Variants in GRHL2 observed in about 807,000 individuals in gnomAD.
GRHL2 encodes grainyhead like transcription factor 2, also known as grainyhead-like protein 2 homolog.
Under a neutral mutation model 83.8 loss-of-function variants are expected in GRHL2, and 21 were observed. The ratio of observed to expected loss-of-function variants is 0.25; its 90% CI spans 0.18 to 0.36. GRHL2 has a LOEUF of 0.36. Among genes scored for constraint, GRHL2 ranks in the 10% least tolerant of loss-of-function variants. The probability of loss-of-function intolerance (pLI) is 1.00; values close to 1 mark genes in which losing one functional copy is unlikely to be tolerated. For missense variants in GRHL2, 623 were observed against 781.8 expected, an observed-to-expected ratio of 0.80 and a Z score of 2.42; for synonymous variants, 280 against 278.9, an observed-to-expected ratio of 1.00 and a Z score of -0.04.
At chr8:101,656,011 C>A (rs1813777292) in intron 14 of GRHL2, among the ~76,000 whole-genome samples, 1 of 152,216 alleles carries the variant, frequency 6.6e-6, no homozygotes, top group African/African-American at 2.4e-5. Context: ...ATGGACAAGG[C>A]TCACTTCTTC....
At chr8:101,658,826 A>AG (rs991607558) in intron 14 of GRHL2, among the ~76,000 whole-genome samples, 2 of 152,196 alleles carry the variant, frequency 1.3e-5, no homozygotes, top group African/African-American at 4.8e-5. Context: ...TTCAAAAAAA[A>AG]CCAACTCTTG....
At chr8:101,529,554 C>A in intron 1 of GRHL2, 1 of 239,774 alleles carries the variant, frequency 4.2e-6, no homozygotes, top group Admixed American at 4.2e-5. Context: ...GGTGCACCAC[C>A]GTCTTGGTCG....
At chr8:101,594,069 CAAAAAAAAAAAAAAAAAA>C (rs534396520) in intron 7 of GRHL2, among the ~76,000 whole-genome samples, 1 of 49,082 alleles carries the variant, frequency 2.0e-5, no homozygotes, top group African/African-American at 8.7e-5. Context: ...GAGTCTGTAT[CAAAAAAAAAAAAAAAAAA>C]AAAAAAAAAA....
At chr8:101,664,006 A>G (rs1813986346) in intron 14 of GRHL2, among the ~76,000 whole-genome samples, 1 of 151,460 alleles carries the variant, frequency 6.6e-6, no homozygotes, top group Non-Finnish European at 1.5e-5. Context: ...GATCTTCCTT[A>G]CTTTAAGATG....
intron 8 of GRHL2, 110 bp from the exon 9 acceptor site, chr8:101,619,429 G>A: frequency 1.2e-6 from 1 of 861,738 alleles, no homozygotes; most frequent in Non-Finnish European, 1.9e-6. Flanking sequence ...ATATTCTTCA[G>A]TTGTCTTTAT....
intron 1 of GRHL2, among the ~76,000 whole-genome samples, chr8:101,538,021 C>A (rs1304647960): frequency 6.6e-6 from 1 of 152,176 alleles, no homozygotes; most frequent in East Asian, 1.9e-4. Flanking sequence ...ACATAAGAAG[C>A]CCTGACCCGG....
chr8:101,602,878 G>T (rs552081257), intron 8 of GRHL2, among the ~76,000 whole-genome samples: 32 of 152,304 alleles, frequency 2.1e-4, no homozygotes, highest in Admixed American at 1.7e-3. Context: ...CAGTCTTTCT[G>T]CCCCGGAGCT....
chr8:101,584,995 C>T lies in GRHL2; in HGVS notation c.1003+7476C>T, dbSNP rs541391402. Among the ~76,000 whole-genome samples, 16 of 151,558 alleles carry T rather than the reference C, an allele frequency of 1.1e-4. No homozygotes were observed. In the East Asian group the frequency reaches 2.7e-3, roughly 26 times the overall value. ...GCCAAGTGGTCAGGTAGTCAGGTAG[C>T]CAGGTGATCAGGTAGCCAGGTGGTC... is the stretch of plus-strand genomic sequence containing the variant. On this transcript the variant is annotated intron_variant, in intron 7 of 15. Coordinates refer to ENST00000646743, the MANE Select transcript of GRHL2 (RefSeq NM_024915.4).
intron 14 of GRHL2, among the ~76,000 whole-genome samples, chr8:101,653,722 A>C (rs967633412): frequency 1.3e-5 from 2 of 148,988 alleles, no homozygotes; most frequent in African/African-American, 5.1e-5. Flanking sequence ...AGACTGGGAG[A>C]GAGTGACTCT....
At chr8:101,596,601 A>C (rs141065062) in intron 7 of GRHL2, among the ~76,000 whole-genome samples, 2,802 of 152,340 alleles carry the variant, frequency 0.018, 80 homozygotes, top group African/African-American at 0.063. Flanking sequence ...GTAATTTTAC[A>C]CCAGTTTATT....
chr8:101,597,978 G>C lies in GRHL2; in HGVS notation c.1004-1079G>C, dbSNP rs549650042. 3.3e-5 allele frequency among the ~76,000 whole-genome samples: 5 copies of C among 152,244 alleles called. No homozygotes were observed. The South Asian group carries it at 1.0e-3, about 32-fold the overall frequency. On this transcript the variant is annotated intron_variant, in intron 7 of 15. Coordinates refer to ENST00000646743, the MANE Select transcript of GRHL2 (RefSeq NM_024915.4). ...AATAATGAATACATTTTGAAGATAAGTATATCCCAAATATTTGCCCAATCT... is the reference window on the plus strand; with the variant it reads ...AATAATGAATACATTTTGAAGATAACTATATCCCAAATATTTGCCCAATCT...
At chr8:101,662,402 G>C (rs1813940303) in intron 14 of GRHL2, among the ~76,000 whole-genome samples, 1 of 152,196 alleles carries the variant, frequency 6.6e-6, no homozygotes, top group South Asian at 2.1e-4. Context: ...TTAGGGGATG[G>C]GGAGTTCTTC....
At chr8:101,520,772 C>T (rs146923559) in intron 1 of GRHL2, among the ~76,000 whole-genome samples, 2 of 152,308 alleles carry the variant, frequency 1.3e-5, no homozygotes, top group East Asian at 3.9e-4. Context: ...TGCCCTCTTC[C>T]TTCTTGAAAC....
chr8:101,640,288 A>G (rs1017751337), intron 12 of GRHL2, among the ~76,000 whole-genome samples: 21 of 152,250 alleles, frequency 1.4e-4, no homozygotes, highest in African/African-American at 4.8e-4. Context: ...AATGTATAGA[A>G]TGTCCTGACA....
chr8:101,592,025 G>T (rs946204226), intron 7 of GRHL2, among the ~76,000 whole-genome samples: 2 of 151,744 alleles, frequency 1.3e-5, no homozygotes, highest in African/African-American at 4.8e-5. Flanking sequence ...AAACGAAGGG[G>T]AACTGTCACA....
intron 9 of GRHL2, 89 bp downstream of exon 9, chr8:101,619,786 C>T (rs1469649211): frequency 2.0e-6 from 2 of 976,840 alleles, no homozygotes; most frequent in Middle Eastern, 2.7e-4. Flanking sequence ...CTTTGCTTGT[C>T]TAGTGGTGTC....
intron 12 of GRHL2, among the ~76,000 whole-genome samples, chr8:101,639,612 A>G (rs544638027): frequency 1.3e-5 from 2 of 152,340 alleles, no homozygotes; most frequent in African/African-American, 2.4e-5. Context: ...ACCTGTGGCT[A>G]TAAAGTATGT....
chr8:101,575,421 T>G (rs533800110), intron 6 of GRHL2, among the ~76,000 whole-genome samples: 2 of 152,232 alleles, frequency 1.3e-5, no homozygotes, highest in African/African-American at 2.4e-5. Flanking sequence ...TGTTCCATTT[T>G]GGCTAAAGTG....
intron 3 of GRHL2, among the ~76,000 whole-genome samples, chr8:101,557,224 C>CTTTT (rs34785282): frequency 3.3e-5 from 4 of 122,448 alleles, no homozygotes; most frequent in South Asian, 2.7e-4. Flanking sequence ...ATTAACAATA[C>CTTTT]TTTTTTTTTT....
Sources: gnomAD v4.1 joint callset for allele counts (sites outside exome capture counted in the v4.1 genomes callset) on GRCh38, gnomAD v4.1.1 for gene constraint, MANE v1.5 for transcripts, NCBI Gene and HGNC (gene_info 2026-07-23, HGNC 2026-07-21) for gene names.